Variants in ADAM9 observed in about 807,000 individuals in gnomAD.
ADAM9 encodes the protein ADAM metallopeptidase domain 9.
In ADAM9, 54 loss-of-function variants were observed where a neutral mutation model predicts 108.1. That is an observed-to-expected ratio of 0.50 (90% CI 0.40 to 0.63). The LOEUF is 0.63. Among genes scored for constraint, ADAM9 ranks in the 20% least tolerant of loss-of-function variants. The pLI is 0.00. For synonymous variants in ADAM9, 316 were observed against 336.0 expected (o/e 0.94, Z 0.65); for missense variants, 830 against 997.7 (o/e 0.83, Z 2.26).
intron 12 of ADAM9, among the ~76,000 whole-genome samples, chr8:39,045,211 T>C (rs201345361): frequency 0.028 from 2,713 of 98,622 alleles, 517 homozygotes; most frequent in South Asian, 0.046. Context: ...TATATATGTG[T>C]ATACATACAT....
rs147547357 is a variant in ADAM9, at chr8:39,104,186, A to C, written c.*486A>C. 3 of 454,162 alleles carry C rather than the reference A, an allele frequency of 6.6e-6. No individual in the cohort carries two copies. The highest frequency in any genetic ancestry group is 1.6e-5 in the South Asian group (1 of 64,458). 28.1% of individuals were successfully genotyped at this position (454,162 alleles called of 1,614,324 possible). A position where few individuals can be genotyped will look rare whatever the true frequency, so the allele number is the denominator to read the frequency against. ...TATTTTTCATCATGCACGAATTAAT[A>C]ATCATCATACTCTAGAATCTTGTCT... On this transcript the variant is annotated 3_prime_UTR_variant, in exon 22 of 22. Transcript: ENST00000487273.
chr8:39,058,808 G>C (rs1432507387), intron 14 of ADAM9, among the ~76,000 whole-genome samples: 1 of 152,136 alleles, frequency 6.6e-6, no homozygotes, highest in Non-Finnish European at 1.5e-5. Flanking sequence ...ACAAAATTTT[G>C]CTAGTGGGTC....
At position 39,068,943 on chromosome 8, in the gene ADAM9, T is replaced by G. The variant is rs904120591; in HGVS notation, c.1592-2355T>G. On this transcript the variant is annotated intron_variant, in intron 14 of 21. Transcript: ENST00000487273. ...GTAGAGAAGAGACAGTCACTTGGCT[T>G]CACAAAGATGGTAGGTGACTTGTGG... Among the ~76,000 whole-genome samples the G allele has an allele frequency of 2.6e-5, 4 of 152,106 alleles. No homozygotes were observed. The South Asian group carries it at 8.3e-4, about 32-fold the overall frequency.
intron 1 of ADAM9, among the ~76,000 whole-genome samples, chr8:39,004,963 G>C (rs989445930): frequency 3.9e-5 from 6 of 152,124 alleles, no homozygotes; most frequent in Admixed American, 3.9e-4. Flanking sequence ...ATCTTGTACT[G>C]ACCTCCTATC....
intron 20 of ADAM9, among the ~76,000 whole-genome samples, chr8:39,098,729 T>C (rs1160880923): frequency 6.6e-6 from 1 of 152,238 alleles, no homozygotes; most frequent in Non-Finnish European, 1.5e-5. Context: ...TTAATATGTA[T>C]GCCCTTGGTG....
chr8:39,069,322 G>A (rs1273141756), intron 14 of ADAM9, among the ~76,000 whole-genome samples: 1 of 151,994 alleles, frequency 6.6e-6, no homozygotes, highest in Non-Finnish European at 1.5e-5. Flanking sequence ...CTTCTTACCT[G>A]AAGTTTGTTG....
chr8:39,046,776 T>A (rs560148690), intron 12 of ADAM9, among the ~76,000 whole-genome samples: 181 of 134,886 alleles, frequency 1.3e-3, no homozygotes, highest in Admixed American at 2.3e-3. Context: ...ATTAATTAAA[T>A]TTTTTTTTTT....
chr8:39,045,392 G>C (rs202126295), intron 12 of ADAM9, among the ~76,000 whole-genome samples: 10,457 of 68,700 alleles, frequency 0.15, 2,251 homozygotes, highest in East Asian at 0.46. Context: ...ATAGGTGTGT[G>C]TACACACACC....
At chr8:39,037,729 T>C (rs1837331160) in intron 11 of ADAM9, among the ~76,000 whole-genome samples, 1 of 152,172 alleles carries the variant, frequency 6.6e-6, no homozygotes, top group South Asian at 2.1e-4. Flanking sequence ...CATTATTGCA[T>C]GTATACCATG....
Position 39,023,258 on chromosome 8 carries a change from A to G in ADAM9, c.847A>G (p.Asn283Asp), listed in dbSNP as rs1362549112. The change falls in exon 9 of 22, where the codon AAC becomes GAC. Residue 283 changes from asparagine (N) to aspartate (D), a missense_variant. Physicochemically the swap from Asn to Asp is conservative, Grantham distance 23. This residue lies in a region of ADAM9 where 381 missense variants were observed against 539.8 expected (regional missense o/e 0.71). Transcript: ENST00000487273. The part of the protein sequence containing the change: ...IVGGAGDVLG[N>D]FVQWREKFLI... ...TGGGGGTGCTGGTGATGTGCTGGGGAACTTCGTGCAGTGGCGGGAAAAGTT... is the reference window on the plus strand; with the variant it reads ...TGGGGGTGCTGGTGATGTGCTGGGGGACTTCGTGCAGTGGCGGGAAAAGTT... 6.2e-7 allele frequency: 1 copy of G among 1,613,634 alleles called. No homozygotes were observed. Among genetic ancestry groups the G allele is most frequent in the Non-Finnish European group, 8.5e-7 (1 of 1,179,830 alleles).
chr8:39,085,467 A>C (rs569410874), intron 18 of ADAM9, among the ~76,000 whole-genome samples: 2 of 152,290 alleles, frequency 1.3e-5, no homozygotes, highest in East Asian at 3.9e-4. Flanking sequence ...AATCTGATTT[A>C]ATTTCTGCTT....
At chr8:39,039,202 G>A (rs4129095) in intron 11 of ADAM9, among the ~76,000 whole-genome samples, 35,904 of 152,058 alleles carry the variant, frequency 0.24, 4,551 homozygotes, top group South Asian at 0.31. Context: ...CACTCCTGCT[G>A]CTACTTCTGG....
intron 11 of ADAM9, among the ~76,000 whole-genome samples, chr8:39,037,459 T>TGTG (rs1554577630): frequency 2.8e-3 from 206 of 73,736 alleles, no homozygotes; most frequent in African/African-American, 0.011. Context: ...TGTGTGTGTG[T>TGTG]TTTTTTTTTT....
chr8:39,014,438 T>A, intron 4 of ADAM9: 1 of 629,390 alleles, frequency 1.6e-6, no homozygotes, highest in Non-Finnish European at 2.8e-6. Context: ...ACTCATTTGA[T>A]GTTATGTGTT....
At chr8:39,094,524 A>G (rs527935169) in intron 20 of ADAM9, among the ~76,000 whole-genome samples, 2 of 152,302 alleles carry the variant, frequency 1.3e-5, no homozygotes, top group Admixed American at 6.5e-5. Flanking sequence ...AATGTTTGGT[A>G]GAATTCATCT....
chr8:39,024,076 T>C (rs889452458), intron 9 of ADAM9, among the ~76,000 whole-genome samples: 7 of 152,156 alleles, frequency 4.6e-5, no homozygotes, highest in African/African-American at 1.7e-4. Flanking sequence ...CTTCACGACT[T>C]TGAAGGCGTT....
chr8:39,045,031 T>TACCTATGTATGTGTATGTGTGTGTGCAC (rs1837595164), intron 12 of ADAM9, among the ~76,000 whole-genome samples: 1 of 75,488 alleles, frequency 1.3e-5, no homozygotes, highest in African/African-American at 7.1e-5. Context: ...TGTGTGTGCA[T>TACCTATGTATGTGTATGTGTGTGTGCAC]ACATACATAT....
At chr8:39,063,917 G>C in intron 14 of ADAM9, among the ~76,000 whole-genome samples, 1 of 152,124 alleles carries the variant, frequency 6.6e-6, no homozygotes, top group East Asian at 1.9e-4. Flanking sequence ...TTCTAGGTTT[G>C]ATTTTCAACA....
chr8:39,033,449 T>TA lies in ADAM9; in HGVS notation c.1130+6640dup, dbSNP rs1190699881. ...GCAGTAGCTAGGACTACCAATCTGA[T>TA]ATTGCTTTACCTTCCTCACATTTTT... On this transcript the variant is annotated intron_variant, in intron 11 of 21. Transcript: ENST00000487273. Among the ~76,000 whole-genome samples, 15 of 152,174 alleles carry TA rather than the reference T, an allele frequency of 9.9e-5. No homozygotes were observed. In the South Asian group the frequency reaches 3.1e-3, roughly 32 times the overall value.
Sources: allele counts gnomAD v4.1 joint callset (sites outside exome capture counted in the v4.1 genomes callset), GRCh38; gene constraint gnomAD v4.1.1; regional missense constraint gnomAD v4.1.1; transcripts MANE v1.5; gene names NCBI Gene and HGNC (gene_info 2026-07-23, HGNC 2026-07-21).